Variants in RLF observed in about 807,000 individuals in gnomAD.
RLF encodes the protein RLF zinc finger.
A neutral mutation model predicts 162.9 loss-of-function variants in RLF; 7 were observed. The observed-to-expected ratio is 0.04, with a 90% CI of 0.02 to 0.08. RLF has a LOEUF of 0.08. RLF is among the 10% of genes least tolerant of loss of function. The pLI is 1.00. For synonymous variants in RLF, 782 were observed against 791.5 expected (o/e 0.99, Z 0.20); for missense variants, 1,664 against 2,244.7 (o/e 0.74, Z 5.23).
chr1:40,181,775 A>T (rs1642407346), intron 1 of RLF, among the ~76,000 whole-genome samples: 1 of 152,198 alleles, frequency 6.6e-6, no homozygotes, highest in African/African-American at 2.4e-5. Context: ...CTGTAACACC[A>T]ATAATAGGAA....
intron 6 of RLF, among the ~76,000 whole-genome samples, chr1:40,223,701 T>G (rs1468093117): frequency 6.6e-6 from 1 of 152,242 alleles, no homozygotes; most frequent in African/African-American, 2.4e-5. Context: ...ATGTAGAAAT[T>G]TTGTGTACTG....
intron 1 of RLF, among the ~76,000 whole-genome samples, chr1:40,168,883 C>T (rs1247867098): frequency 1.3e-5 from 2 of 151,936 alleles, no homozygotes; most frequent in African/African-American, 2.4e-5. Flanking sequence ...ACCCTAGCTA[C>T]TCAGGAGGCT....
intron 5 of RLF, among the ~76,000 whole-genome samples, chr1:40,222,130 C>A (rs1643008375): frequency 6.6e-6 from 1 of 151,884 alleles, no homozygotes; most frequent in South Asian, 2.1e-4. Flanking sequence ...AAAGCAGTTC[C>A]TGAACTGGCC....
intron 3 of RLF, among the ~76,000 whole-genome samples, chr1:40,194,298 C>A (rs1431641082): frequency 2.0e-5 from 3 of 152,084 alleles, no homozygotes. Context: ...AACAGGCAGC[C>A]TGTGTGAATA....
chr1:40,212,028 C>G (rs1642871802), intron 5 of RLF, among the ~76,000 whole-genome samples: 1 of 152,210 alleles, frequency 6.6e-6, no homozygotes, highest in Non-Finnish European at 1.5e-5. Context: ...AGTGAGTCAC[C>G]AGATGTTGAT....
intron 1 of RLF, among the ~76,000 whole-genome samples, chr1:40,170,915 G>A (rs1182589875): frequency 6.6e-6 from 1 of 152,136 alleles, no homozygotes; most frequent in African/African-American, 2.4e-5. Flanking sequence ...TGCTAAGTCT[G>A]ATTACTGTCT....
intron 1 of RLF, among the ~76,000 whole-genome samples, chr1:40,181,198 G>A (rs1424862184): frequency 6.6e-6 from 1 of 152,350 alleles, no homozygotes; most frequent in East Asian, 1.9e-4. Flanking sequence ...GGGAGGCCAA[G>A]GTGGATGGAT....
chr1:40,238,765 C>T lies in RLF; in HGVS notation c.4063C>T (p.Leu1355Phe), dbSNP rs1305360249. 9 of 1,613,246 alleles carry T rather than the reference C, an allele frequency of 5.6e-6. No homozygotes were observed. The highest frequency in any genetic ancestry group is 2.2e-5 in the East Asian group (1 of 44,888). The change falls in exon 8 of 8, where the codon CTT becomes TTT. Residue 1355 changes from leucine (L) to phenylalanine (F), a missense_variant. Physicochemically the swap from Leu to Phe is conservative, Grantham distance 22. Around this residue, in one of 15 missense-constraint regions of RLF, gnomAD observed 200 missense variants for 207.3 expected, o/e 0.96. Coordinates refer to ENST00000372771, the MANE Select transcript of RLF (RefSeq NM_012421.4). The surrounding 1 kb of genome is among the most constrained non-coding windows in gnomAD (Gnocchi z 5.2). ...EKDKARTKRELVKCKKIFACK... is the reference protein window; with the variant it reads ...EKDKARTKREFVKCKKIFACK... Reference sequence around the variant, plus strand: ...AGACAAAGCAAGAACCAAAAGGGAACTTGTCAAATGTAAAAAGATATTTGC... The same window carrying T: ...AGACAAAGCAAGAACCAAAAGGGAATTTGTCAAATGTAAAAAGATATTTGC...
At chr1:40,197,219 G>A (rs1484944039) in intron 4 of RLF, among the ~76,000 whole-genome samples, 1 of 151,978 alleles carries the variant, frequency 6.6e-6, no homozygotes, top group Non-Finnish European at 1.5e-5. Context: ...CTTACCAGTT[G>A]CACTGACAAG....
At chr1:40,205,411 A>G (rs1262463025) in intron 5 of RLF, among the ~76,000 whole-genome samples, 5 of 148,898 alleles carry the variant, frequency 3.4e-5, no homozygotes, top group East Asian at 4.0e-4. Flanking sequence ...CTACTGCCCC[A>G]TTTCCTTCTG....
intron 3 of RLF, among the ~76,000 whole-genome samples, chr1:40,194,215 T>G (rs891311527): frequency 1.3e-5 from 2 of 152,136 alleles, no homozygotes; most frequent in Non-Finnish European, 2.9e-5. Context: ...AAATAGCAAT[T>G]TTTTAGACGA....
At position 40,239,333 on chromosome 1, in the gene RLF, C is replaced by G. The variant is rs1643260248; in HGVS notation, c.4631C>G (p.Ser1544Cys). 6.2e-7 allele frequency: 1 copy of G among 1,614,088 alleles called. No homozygotes were observed. Residue 1544 changes from serine to cysteine, a missense_variant, in exon 8 of 8, where the codon TCT (serine) becomes TGT (cysteine). Physicochemically the swap from Ser to Cys is moderately radical, Grantham distance 112. Transcript: ENST00000372771. ...AEALHMCVEHSEHTQYPCMVQ... is the reference protein window; with the variant it reads ...AEALHMCVEHCEHTQYPCMVQ... ...GCCCTCCATATGTGTGTGGAGCACTCTGAGCACACACAGTACCCCTGCATG... is the reference window on the plus strand; with the variant it reads ...GCCCTCCATATGTGTGTGGAGCACTGTGAGCACACACAGTACCCCTGCATG...
Position 40,195,776 on chromosome 1 carries a change from G to C in RLF, c.607+12G>C, listed in dbSNP as rs371260029. On this transcript the variant is annotated intron_variant, in intron 4 of 7. Transcript: ENST00000372771. ...AGAAACGGAGGAAGGTAAGTCTTAA[G>C]ACTATATTGGATGAGGATTTAGTTC... The C allele has an allele frequency of 6.4e-5, 103 of 1,605,036 alleles. No homozygotes were observed. Among genetic ancestry groups the C allele is most frequent in the Non-Finnish European group, 8.1e-5 (95 of 1,176,758 alleles).
At position 40,237,158 on chromosome 1, in the gene RLF, A is replaced by G. The variant is rs970920399; in HGVS notation, c.2456A>G (p.Gln819Arg). The G allele has an allele frequency of 8.7e-6, 14 of 1,613,996 alleles. No homozygotes were observed. The highest frequency in any genetic ancestry group is 2.2e-5 in the East Asian group (1 of 44,890). The change falls in exon 8 of 8, where the codon CAG becomes CGG. Residue 819 changes from glutamine to arginine, a missense_variant. Gln to Arg is a conservative substitution (Grantham distance 43, BLOSUM62 1). Coordinates refer to ENST00000372771, the MANE Select transcript of RLF (RefSeq NM_012421.4). The surrounding 1 kb of genome is among the most constrained non-coding windows in gnomAD (Gnocchi z 4.4). The part of the protein sequence containing the change: ...KKFYYSKIEY[Q>R]NHLSMHNVEN... Reference sequence around the variant, plus strand: ...TTCTATTACTCCAAAATTGAATACCAGAATCACCTCTCAATGCATAATGTT... The same window carrying G: ...TTCTATTACTCCAAAATTGAATACCGGAATCACCTCTCAATGCATAATGTT...
At chr1:40,179,665 C>T (rs1199346043) in intron 1 of RLF, among the ~76,000 whole-genome samples, 2 of 150,206 alleles carry the variant, frequency 1.3e-5, no homozygotes, top group Non-Finnish European at 2.9e-5. Context: ...TGTTGTGCAA[C>T]CATTACCTCC....
chr1:40,234,974 G>C (rs1643198300), intron 7 of RLF, among the ~76,000 whole-genome samples: 1 of 151,508 alleles, frequency 6.6e-6, no homozygotes, highest in Non-Finnish European at 1.5e-5. Flanking sequence ...TAAATTACCA[G>C]ATTCTTTCAG....
intron 1 of RLF, among the ~76,000 whole-genome samples, chr1:40,178,632 G>GTTTTGT (rs1419547495): frequency 1.1e-5 from 1 of 88,412 alleles, no homozygotes; most frequent in Non-Finnish European, 2.3e-5. Flanking sequence ...TTTTTTTTTT[G>GTTTTGT]TTTTTTTTTT....
At chr1:40,199,245 G>A (rs543400441) in intron 4 of RLF, among the ~76,000 whole-genome samples, 54 of 152,254 alleles carry the variant, frequency 3.5e-4, no homozygotes, top group Middle Eastern at 3.4e-3. Context: ...TTAAACATCC[G>A]TAATATACAA....
At chr1:40,211,690 C>T (rs1642866950) in intron 5 of RLF, among the ~76,000 whole-genome samples, 1 of 151,730 alleles carries the variant, frequency 6.6e-6, no homozygotes, top group African/African-American at 2.4e-5. Flanking sequence ...GGCGTGATAT[C>T]GGCTCACTGC....
Sources: allele counts gnomAD v4.1 joint callset (sites outside exome capture counted in the v4.1 genomes callset), GRCh38; gene constraint gnomAD v4.1.1; regional missense constraint gnomAD v4.1.1; non-coding constraint Gnocchi (gnomAD v3.1); transcripts MANE v1.5; gene names NCBI Gene and HGNC (gene_info 2026-07-23, HGNC 2026-07-21).